Variants in KCNH1 observed in about 807,000 individuals in gnomAD.
KCNH1 encodes potassium voltage-gated channel subfamily H member 1, also known as voltage-gated delayed rectifier potassium channel KCNH1.
In KCNH1, 27 loss-of-function variants were observed where a neutral mutation model predicts 69.2. The observed-to-expected ratio is 0.39, with a 90% confidence interval of 0.29 to 0.54. The LOEUF is 0.54. Ranked by LOEUF, KCNH1 falls within the 20% of genes least tolerant of loss-of-function variation. The pLI, the probability that KCNH1 is intolerant of heterozygous loss-of-function variation, is 0.68. For missense variants in KCNH1, 798 were observed against 1,261.6 expected, an observed-to-expected ratio of 0.63 and a Z score of 5.57; for synonymous variants, 456 against 487.7, an observed-to-expected ratio of 0.93 and a Z score of 0.86.
rs577756291 is a variant in KCNH1, at chr1:210,754,269, A to T, written c.2112+21079T>A. On this transcript the variant is annotated intron_variant, in intron 10 of 10. Coordinates refer to ENST00000271751, the MANE Select transcript of KCNH1 (RefSeq NM_172362.3). Reference sequence around the variant, plus strand: ...AAGGGAAAAAAATACTTCCCAAGCCAAGTAGACCTGACCTGAAAACACCAC... The same window carrying T: ...AAGGGAAAAAAATACTTCCCAAGCCTAGTAGACCTGACCTGAAAACACCAC... 9.2e-5 allele frequency among the ~76,000 whole-genome samples: 14 copies of T among 152,234 alleles called. No individual in the cohort carries two copies. In the South Asian group the frequency reaches 2.9e-3, roughly 32 times the overall value.
At chr1:210,851,245 T>G (rs1319063770) in intron 7 of KCNH1, among the ~76,000 whole-genome samples, 1 of 152,246 alleles carries the variant, frequency 6.6e-6, no homozygotes, top group Non-Finnish European at 1.5e-5. Flanking sequence ...GTTGTCTCCC[T>G]CAAAGTGTTC....
In KCNH1 at chr1:210,762,043, G is replaced by A. The variant is rs73069528; in HGVS notation, c.2112+13305C>T. 8.5e-3 allele frequency among the ~76,000 whole-genome samples: 1,296 copies of A among 151,894 alleles called. 15 individuals are homozygous for A. The highest frequency in any genetic ancestry group is 0.03 in the African/African-American group (1,233 of 41,450). On this transcript the variant is annotated intron_variant, in intron 10 of 10. Coordinates refer to ENST00000271751, the MANE Select transcript of KCNH1 (RefSeq NM_172362.3). ...TCAAAAAAATCAAAATCATACAGTG[G>A]AATAAAAATAGAAATCAATTCCAAA...
chr1:210,717,109 G>A (rs77614667), intron 10 of KCNH1, among the ~76,000 whole-genome samples: 3,864 of 152,234 alleles, frequency 0.025, 118 homozygotes, highest in East Asian at 0.15. Flanking sequence ...CTCCCAGGAA[G>A]CCTCTGGGGT....
At chr1:210,723,595 T>C (rs956067551) in intron 10 of KCNH1, among the ~76,000 whole-genome samples, 2 of 152,020 alleles carry the variant, frequency 1.3e-5, no homozygotes, top group African/African-American at 2.4e-5. Context: ...GATGACAGAG[T>C]CTGAGGATGA....
chr1:210,761,993 G>A (rs1333811887), intron 10 of KCNH1, among the ~76,000 whole-genome samples: 2 of 151,936 alleles, frequency 1.3e-5, no homozygotes, highest in African/African-American at 4.8e-5. Flanking sequence ...CCACGTGCTT[G>A]GTCATACAGC....
chr1:210,932,734 T>G (rs1167305463), intron 6 of KCNH1, among the ~76,000 whole-genome samples: 1 of 152,116 alleles, frequency 6.6e-6, no homozygotes, highest in Non-Finnish European at 1.5e-5. Flanking sequence ...AAATAAACTT[T>G]AAGCCAAAAA....
chr1:211,083,542 C>G (rs141882972), intron 4 of KCNH1, among the ~76,000 whole-genome samples: 1 of 152,240 alleles, frequency 6.6e-6, no homozygotes, highest in African/African-American at 2.4e-5. Flanking sequence ...ATCTTGACAC[C>G]TTTTAAAGGC....
At chr1:210,707,598 C>G (rs1439167828) in intron 10 of KCNH1, among the ~76,000 whole-genome samples, 1 of 152,132 alleles carries the variant, frequency 6.6e-6, no homozygotes, top group Admixed American at 6.5e-5. Context: ...AGCCAGGAAG[C>G]CGGCTGGCCA....
intron 9 of KCNH1, among the ~76,000 whole-genome samples, chr1:210,778,411 T>C (rs574202774): frequency 6.6e-6 from 1 of 151,826 alleles, no homozygotes; most frequent in African/African-American, 2.4e-5. Context: ...TAGTTCCAAC[T>C]ACTCAGAAGG....
At chr1:210,797,252 T>C (rs1251560706) in intron 9 of KCNH1, among the ~76,000 whole-genome samples, 1 of 152,230 alleles carries the variant, frequency 6.6e-6, no homozygotes. Flanking sequence ...GCTTATTTGT[T>C]CATCTCCTAC....
chr1:210,796,830 A>G (rs1365668280), intron 9 of KCNH1, among the ~76,000 whole-genome samples: 2 of 151,804 alleles, frequency 1.3e-5, no homozygotes, highest in Non-Finnish European at 1.5e-5. Context: ...TCCCTACTCA[A>G]TCCACTCCCC....
chr1:210,868,444 T>A (rs1350420734), intron 7 of KCNH1, among the ~76,000 whole-genome samples: 1 of 151,978 alleles, frequency 6.6e-6, no homozygotes, highest in African/African-American at 2.4e-5. Flanking sequence ...CTTTTATGTT[T>A]CAAATGTTTT....
chr1:210,744,806 G>C (rs1683111670), intron 10 of KCNH1, among the ~76,000 whole-genome samples: 1 of 152,082 alleles, frequency 6.6e-6, no homozygotes, highest in Non-Finnish European at 1.5e-5. Context: ...AAGATCCATG[G>C]GACCCACCCT....
chr1:210,915,376 T>C (rs1054697155), intron 7 of KCNH1, among the ~76,000 whole-genome samples: 11 of 152,208 alleles, frequency 7.2e-5, no homozygotes, highest in African/African-American at 2.7e-4. Context: ...TATGTGCCTG[T>C]TGAATGGGGG....
chr1:210,941,259 A>G (rs1319556785), intron 6 of KCNH1, among the ~76,000 whole-genome samples: 2 of 152,182 alleles, frequency 1.3e-5, no homozygotes, highest in Middle Eastern at 3.2e-3. Flanking sequence ...AAAAGCACAC[A>G]TTCCCCCCAC....
intron 5 of KCNH1, among the ~76,000 whole-genome samples, chr1:211,074,882 C>T (rs1367293444): frequency 3.3e-5 from 5 of 152,166 alleles, no homozygotes; most frequent in Non-Finnish European, 7.4e-5. Context: ...CTGTGAATTT[C>T]GGACACAAGC....
At chr1:210,962,067 G>T (rs568313394) in intron 6 of KCNH1, among the ~76,000 whole-genome samples, 2 of 152,074 alleles carry the variant, frequency 1.3e-5, no homozygotes, top group Non-Finnish European at 2.9e-5. Context: ...ACTAAAGGGG[G>T]ACCCTTTGCA....
At chr1:210,851,749 A>T (rs1685712796) in intron 7 of KCNH1, among the ~76,000 whole-genome samples, 2 of 152,248 alleles carry the variant, frequency 1.3e-5, no homozygotes, top group Admixed American at 6.5e-5. Context: ...AAATGCTGTA[A>T]GCTATAATAA....
chr1:211,098,336 A>AG (rs397730167), intron 3 of KCNH1, among the ~76,000 whole-genome samples: 18 of 151,266 alleles, frequency 1.2e-4, no homozygotes, highest in Admixed American at 3.3e-4. Flanking sequence ...AAAAAAAAAA[A>AG]GAAAGAAAAG....
Sources: allele counts gnomAD v4.1 joint callset (sites outside exome capture counted in the v4.1 genomes callset), GRCh38; gene constraint gnomAD v4.1.1; transcripts MANE v1.5; gene names NCBI Gene and HGNC (gene_info 2026-07-23, HGNC 2026-07-21).